The following TTN variants were observed in gnomAD, a reference collection of about 807,000 sequenced individuals.
TTN encodes connectin.
TTN carries 1,525 observed loss-of-function variants against 3,223.0 expected under a neutral mutation model. That is an observed-to-expected ratio of 0.47 (90% CI 0.45 to 0.49). The LOEUF (loss-of-function observed/expected upper bound fraction) is 0.49, where lower values mean the gene tolerates loss of function less well. TTN is among the 20% of genes least tolerant of loss of function. The probability of loss-of-function intolerance (pLI) is 0.00; values close to 1 mark genes in which losing one functional copy is unlikely to be tolerated. For synonymous variants in TTN, 14,094 were observed against 15,161.0 expected (o/e 0.93, Z 5.17); for missense variants, 40,786 against 43,424.0 (o/e 0.94, Z 5.40).
At position 178,639,731 on chromosome 2, in the gene TTN, G is replaced by A. The variant is rs1422992666; in HGVS notation, c.40844C>T (p.Pro13615Leu). ...CTTTCCAACCACTGGCACTGTTACT[G>A]GGGCAGCGATGGGGGTTGGTTCAGG... is the stretch of plus-strand genomic sequence containing the variant. ...VEPEPTPIAA[P>L]VTVPVVGKKA... is the part of the protein sequence containing the mutation. The change falls in exon 223 of 363, where the codon CCA (proline) becomes CTA (leucine). Residue 13615 changes from proline to leucine, a missense_variant. Transcript: ENST00000589042. 1 of 1,611,548 alleles carries A rather than the reference G, an allele frequency of 6.2e-7. No individual in the cohort carries two copies. The highest frequency in any genetic ancestry group is 1.7e-5 in the Admixed American group (1 of 59,822).
chr2:178,706,611 T>G lies in TTN; in HGVS notation c.29263A>C (p.Lys9755Gln). Reference sequence around the variant, plus strand: ...TTTGTGGTGTCCCTAATCTCCAGTTTTGCTTCATCGCCTTTTTGGTGGATG... The same window carrying G: ...TTTGTGGTGTCCCTAATCTCCAGTTGTGCTTCATCGCCTTTTTGGTGGATG... ...VFIHQKGDEA[K>Q]LEIRDTTKTD... Residue 9755 changes from lysine to glutamine, a missense_variant, in exon 102 of 363, where the codon AAA becomes CAA. Transcript: ENST00000589042. 1 of 1,613,968 alleles carries G rather than the reference T, an allele frequency of 6.2e-7. No individual in the cohort carries two copies. The highest frequency in any genetic ancestry group is 1.3e-5 in the African/African-American group (1 of 75,066).
intron 60 of TTN, 52 bp downstream of exon 60, chr2:178,730,873 G>A: frequency 6.5e-7 from 1 of 1,535,112 alleles, no homozygotes; most frequent in Non-Finnish European, 8.7e-7. Flanking sequence ...AATTTTAAGG[G>A]AAGAAGGAGC....
intron 270 of TTN, 119 bp from the exon 271 acceptor site, chr2:178,610,508 T>C (rs2056060152): frequency 1.9e-6 from 2 of 1,075,304 alleles, no homozygotes; most frequent in Non-Finnish European, 2.7e-6. Context: ...TGTGCTGGAG[T>C]GTCATTCACA....
chr2:178,573,649 C>T lies in TTN; in HGVS notation c.72483G>A (p.Gln24161=). ...GGAKIDHYIV[Q]KRETSRLAWT... ...ATGCCAATCTGCTGGTTTCACGTTT[C>T]TGTACTATGTAATGATCAATTTTGG... is the stretch of plus-strand genomic sequence containing the variant. The change falls in exon 326 of 363, where the codon CAG becomes CAA. Residue 24161 remains glutamine (Q), a synonymous_variant. Coordinates refer to ENST00000589042, the MANE Select transcript of TTN (RefSeq NM_001267550.2). The T allele has an allele frequency of 6.6e-7, 1 of 1,508,416 alleles. No individual in the cohort carries two copies. The highest frequency in any genetic ancestry group is 2.3e-5 in the East Asian group (1 of 43,824). 93.4% of individuals were successfully genotyped at this position (1,508,416 alleles called of 1,614,324 possible). A position where few individuals can be genotyped will look rare whatever the true frequency, so the allele number is the denominator to read the frequency against.
At position 178,666,834 on chromosome 2, in the gene TTN, T is replaced by C. The variant is rs1210917899; in HGVS notation, c.35865A>G (p.Pro11955=). The change falls in exon 163 of 363, where the codon CCA becomes CCG. Residue 11955 remains proline (P), a synonymous_variant. Transcript: ENST00000589042. ...TCTTCCAACTTGTACCTGTTGGTGA[T>C]GGTGTTTTTCTTCTTTTAACAATAG... ...ETPIVKRRKT[P]SPTVPESPRE... 1.3e-6 allele frequency: 2 copies of C among 1,569,132 alleles called. No individual in the cohort carries two copies. Among genetic ancestry groups the C allele is most frequent in the South Asian group, 1.2e-5 (1 of 84,918 alleles).
At chr2:178,637,607 A>C (rs2060669355) in intron 223 of TTN, among the ~76,000 whole-genome samples, 188 bp from the exon 224 acceptor site, 2 of 152,098 alleles carry the variant, frequency 1.3e-5, no homozygotes, top group South Asian at 4.1e-4. Flanking sequence ...GAAGAGCTCA[A>C]GCTAAACTGC....
Position 178,739,853 on chromosome 2 carries a change from T to G in TTN, c.13380A>C (p.Glu4460Asp). ...SVTEEVTIII[E>D]DVDPQMANLK... ...GGTTAGCCATTTGAGGATCAACATC[T>G]TCAATAATGATGGTTACTTCTTCTG... Residue 4460 changes from glutamate (E) to aspartate (D), a missense_variant, in exon 48 of 363, where the codon GAA becomes GAC. Glu to Asp is a conservative substitution (Grantham distance 45). Coordinates refer to ENST00000589042, the MANE Select transcript of TTN (RefSeq NM_001267550.2). The G allele has an allele frequency of 6.2e-7, 1 of 1,613,914 alleles. No homozygotes were observed. The highest frequency in any genetic ancestry group is 8.5e-7 in the Non-Finnish European group (1 of 1,179,842).
In TTN at chr2:178,757,550, G is replaced by A; in HGVS notation, c.10670C>T (p.Thr3557Ile). Residue 3557 changes from threonine (T) to isoleucine (I), a missense_variant, in exon 45 of 363, where the codon ACT (threonine) becomes ATT (isoleucine). By Grantham distance (89) the Thr-to-Ile change is moderately conservative (BLOSUM62 -1). Coordinates refer to ENST00000589042, the MANE Select transcript of TTN (RefSeq NM_001267550.2). ...AGCAAGATGGGCTTTACCTTTTGGA[G>A]TCACTGTGAGTGTAGCTGCACAAGT... Reference protein sequence around the residue: ...EATCAATLTVTPKVQALDRQS... With the variant: ...EATCAATLTVIPKVQALDRQS... 1 of 1,561,820 alleles carries A rather than the reference G, an allele frequency of 6.4e-7. No individual in the cohort carries two copies. The highest frequency in any genetic ancestry group is 1.4e-5 in the African/African-American group (1 of 73,508).
rs1343067485 is a variant in TTN at position 178,647,392 on chromosome 2, G to A, written c.40130C>T (p.Pro13377Leu). 1.3e-6 allele frequency: 2 copies of A among 1,549,646 alleles called. No individual in the cohort carries two copies. Among genetic ancestry groups the A allele is most frequent in the Admixed American group, 2.0e-5 (1 of 50,944 alleles). Residue 13377 changes from proline (P) to leucine (L), a missense_variant, in exon 214 of 363, where the codon CCA becomes CTA. Transcript: ENST00000589042. ...SVPIPAEPEV[P>L]PAEVEETPEE... ...GAGAAGCCGTGTACCTTCAGCAGGT[G>A]GAACTTCTGGCTCTGCAGGGATAGG...
At chr2:178,802,051 G>T in intron 3 of TTN, 87 bp downstream of exon 3, 3 of 1,512,310 alleles carry the variant, frequency 2.0e-6, no homozygotes, top group Non-Finnish European at 2.8e-6. Context: ...ATCTACCTCT[G>T]CCCATAGCTT....
chr2:178,578,880 CTGAAGG>C lies in TTN; in HGVS notation c.68144_68149del (p.Thr22715_Phe22716del). 1 of 1,613,296 alleles carries C rather than the reference CTGAAGG, an allele frequency of 6.2e-7. No homozygotes were observed. The highest frequency in any genetic ancestry group is 8.5e-7 in the Non-Finnish European group (1 of 1,179,466). Reference sequence around the variant, plus strand: ...ACCATATTTATTTTCGGCACTGACCCTGAAGGTATATTCCATGCCCTCATGAAGTCT... The same window carrying C: ...ACCATATTTATTTTCGGCACTGACCCTATATTCCATGCCCTCATGAAGTCT... On this transcript the variant is annotated inframe_deletion, in exon 320 of 363. Coordinates refer to ENST00000589042, the MANE Select transcript of TTN (RefSeq NM_001267550.2).
At chr2:178,781,300 C>G in intron 20 of TTN, 37 bp from the exon 21 acceptor site, 1 of 1,611,042 alleles carries the variant, frequency 6.2e-7, no homozygotes, top group Middle Eastern at 1.7e-4. Context: ...AATCAGTTAT[C>G]AACAACTCTT....
At chr2:178,681,622 A>G (rs1184771507) in intron 136 of TTN, 39 bp downstream of exon 136, 5 of 1,578,054 alleles carry the variant, frequency 3.2e-6, no homozygotes, top group Non-Finnish European at 4.3e-6. Flanking sequence ...TGGAGGAAAC[A>G]AAGATCTCTT....
rs1428790056 is a variant in TTN at position 178,709,932 on chromosome 2, AC to A, written c.28463-77del. On this transcript the variant is annotated intron_variant, in intron 98 of 362. Coordinates refer to ENST00000589042, the MANE Select transcript of TTN (RefSeq NM_001267550.2). ...AATATGAAGCTTTTCAAGAAAAAAAACCCTCATATTTTTAGTTAAAAATCAA... is the reference window on the plus strand; with the variant it reads ...AATATGAAGCTTTTCAAGAAAAAAAACCTCATATTTTTAGTTAAAAATCAA... 2.8e-6 allele frequency: 4 copies of A among 1,439,608 alleles called. No homozygotes were observed. In the African/African-American group the frequency reaches 5.7e-5, roughly 21 times the overall value. The allele number at this position is 1,439,608 out of a possible 1,614,324, so 89.2% of individuals were successfully genotyped here.
chr2:178,730,337 T>C lies in TTN; in HGVS notation c.18063A>G (p.Gln6021=). The change falls in exon 62 of 363, where the codon CAA becomes CAG. Residue 6021 remains glutamine, a synonymous_variant. Transcript: ENST00000589042. The part of the protein sequence containing the change: ...PPYFVEKPQS[Q]DVNPNTRVQL... ...GTACCCTTGTGTTGGGATTGACATC[T>C]TGTGACTGTGGCTTTTCCACAAAGT... 6.2e-7 allele frequency: 1 copy of C among 1,608,528 alleles called. No homozygotes were observed. The highest frequency in any genetic ancestry group is 8.5e-7 in the Non-Finnish European group (1 of 1,176,850).
Position 178,561,270 on chromosome 2 carries a change from T to C in TTN, c.84862A>G (p.Ile28288Val), listed in dbSNP as rs775883370. The C allele has an allele frequency of 8.1e-6, 13 of 1,613,808 alleles. No homozygotes were observed. Among genetic ancestry groups the C allele is most frequent in the Non-Finnish European group, 1.1e-5 (13 of 1,179,800 alleles). ...YDGGAKITGYIVERRELPDGR... is the reference protein window; with the variant it reads ...YDGGAKITGYVVERRELPDGR... ...TCTGGTAGTTCTCTGCGTTCAACAA[T>C]GTATCCTGTGATCTTAGCTCCACCA... Residue 28288 changes from isoleucine to valine, a missense_variant, in exon 326 of 363, where the codon ATT becomes GTT. Transcript: ENST00000589042.
chr2:178,693,591 A>T lies in TTN; in HGVS notation c.31594+18T>A. 2 of 1,520,318 alleles carry T rather than the reference A, an allele frequency of 1.3e-6. No individual in the cohort carries two copies. The highest frequency in any genetic ancestry group is 1.8e-6 in the Non-Finnish European group (2 of 1,121,288). 94.2% of individuals were successfully genotyped at this position (1,520,318 alleles called of 1,614,324 possible). ...ATTTTTATTAAAAGAGTTTAAACTT[A>T]GAATGAATTACTAATACCTTTAGGT... On this transcript the variant is annotated intron_variant, in intron 119 of 362. Transcript: ENST00000589042.
chr2:178,750,261 G>A lies in TTN; in HGVS notation c.11311+2863C>T, dbSNP rs769588614. ...TCATCCAAGTAGTCATGGAACACTG[G>A]GACTTTATGTGCTTTGACATCATGT... On this transcript the variant is annotated intron_variant, in intron 47 of 362. Transcript: ENST00000589042. 32 of 1,612,976 alleles carry A rather than the reference G, an allele frequency of 2.0e-5. No homozygotes were observed. The South Asian group carries it at 3.3e-4, about 17-fold the overall frequency.
Position 178,578,553 on chromosome 2 carries a change from G to A in TTN, c.68329+58C>T, listed in dbSNP as rs565292652. On this transcript the variant is annotated intron_variant, in intron 321 of 362. Transcript: ENST00000589042. ...TAAGCACATGTTCAACTGTTCTCAGGGAAATATTTGTGAGGAATCTTGATG... is the reference window on the plus strand; with the variant it reads ...TAAGCACATGTTCAACTGTTCTCAGAGAAATATTTGTGAGGAATCTTGATG... The A allele has an allele frequency of 7.5e-6, 10 of 1,335,094 alleles. No individual in the cohort carries two copies. The African/African-American group carries it at 1.3e-4, about 17-fold the overall frequency. 82.7% of individuals were successfully genotyped at this position (1,335,094 alleles called of 1,614,324 possible). A position where few individuals can be genotyped will look rare whatever the true frequency, so the allele number is the denominator to read the frequency against.
Sources: allele counts gnomAD v4.1 joint callset (sites outside exome capture counted in the v4.1 genomes callset), GRCh38; gene constraint gnomAD v4.1.1; transcripts MANE v1.5; gene names NCBI Gene and HGNC (gene_info 2026-07-23, HGNC 2026-07-21).